The following ZNF821 variants were observed in gnomAD, a reference collection of about 807,000 sequenced individuals.
ZNF821 encodes zinc finger protein 821.
ZNF821 carries 16 observed loss-of-function variants against 44.3 expected under a neutral mutation model. That is an observed-to-expected ratio of 0.36 (90% CI 0.24 to 0.55). The LOEUF is 0.55. Ranked by LOEUF, ZNF821 falls within the 20% of genes least tolerant of loss-of-function variation. The pLI is 0.86. For synonymous variants in ZNF821, 204 were observed against 197.6 expected (o/e 1.03, Z -0.27); for missense variants, 436 against 547.6 (o/e 0.80, Z 2.03).
chr16:71,879,462 G>T (rs935072127), intron 3 of ZNF821, among the ~76,000 whole-genome samples: 1 of 151,502 alleles, frequency 6.6e-6, no homozygotes, highest in Non-Finnish European at 1.5e-5. Flanking sequence ...TCCTTCCTCC[G>T]AACTTCTCTA....
chr16:71,895,099 C>A (rs1210464255), exon 1 of ZNF821: 7 of 370,068 alleles, frequency 1.9e-5, no homozygotes, highest in Admixed American at 4.6e-5. Context: ...CCGCTCCACC[C>A]AGGGGGAAAG....
chr16:71,862,004 T>C (rs1192279912), intron 6 of ZNF821, 62 bp from the exon 7 acceptor site: 5 of 1,574,692 alleles, frequency 3.2e-6, no homozygotes, highest in Non-Finnish European at 4.3e-6. Flanking sequence ...TGCACCCACT[T>C]AGAAATGACT....
In ZNF821 at chr16:71,894,732, C is replaced by T. The variant is rs1373809124; in HGVS notation, n.448+157G>A. On this transcript the variant is annotated intron_variant and non_coding_transcript_variant, in intron 1 of 2. Transcript: ENST00000561700. ...TTTTTTTTTTGTAGCGATGCGGTTTCACTATGGTGTCCAGGCTGGTCTGCA... is the reference window on the plus strand; with the variant it reads ...TTTTTTTTTTGTAGCGATGCGGTTTTACTATGGTGTCCAGGCTGGTCTGCA... 3.7e-5 allele frequency: 19 copies of T among 509,512 alleles called. 1 individual carries two copies. The highest frequency in any genetic ancestry group is 4.0e-4 in the Middle Eastern group (1 of 2,486). The allele number at this position is 509,512 out of a possible 1,614,324, so 31.6% of individuals were successfully genotyped here.
At chr16:71,877,563 A>G (rs1298206778) in intron 3 of ZNF821, among the ~76,000 whole-genome samples, 2 of 152,096 alleles carry the variant, frequency 1.3e-5, no homozygotes, top group Non-Finnish European at 2.9e-5. Flanking sequence ...CCCAGCCTAT[A>G]TAGCATGTTT....
chr16:71,864,876 C>G, intron 5 of ZNF821, 27 bp downstream of exon 5: 3 of 1,613,472 alleles, frequency 1.9e-6, no homozygotes, highest in Non-Finnish European at 2.5e-6. Context: ...ATTGCTGGAC[C>G]TGGACCCAGG....
At chr16:71,873,607 G>T (rs908022535) in intron 3 of ZNF821, among the ~76,000 whole-genome samples, 1 of 152,130 alleles carries the variant, frequency 6.6e-6, no homozygotes, top group Admixed American at 6.5e-5. Flanking sequence ...TTCTAATGTG[G>T]ATCCATCAAA....
intron 1 of ZNF821, among the ~76,000 whole-genome samples, chr16:71,891,049 C>CT (rs1272181148): frequency 1.3e-5 from 2 of 152,146 alleles, no homozygotes; most frequent in Non-Finnish European, 2.9e-5. Flanking sequence ...GCTGGGATTA[C>CT]AGGCGTGAGC....
rs761411569 is a variant in ZNF821 at position 71,860,609 on chromosome 16, G to A, written c.648C>T (p.Ser216=). ...SLPTVHNEGP[S]SAEGKDIAFS... is the part of the protein sequence containing the mutation. ...AGGCAATATCCTTCCCCTCAGCACT[G>A]GAGGGACCCTCATTGTGGACTGTGG... Residue 216 remains serine, a synonymous_variant, in exon 8 of 8, where the codon TCC becomes TCT. Transcript: ENST00000425432. This position sits in a 1 kb window ranked among gnomAD's most constrained non-coding sequence, Gnocchi z 7.3. 1.2e-6 allele frequency: 2 copies of A among 1,614,094 alleles called. No individual in the cohort carries two copies. Among genetic ancestry groups the A allele is most frequent in the Non-Finnish European group, 1.7e-6 (2 of 1,180,012 alleles).
chr16:71,873,795 A>G (rs966173651), intron 3 of ZNF821, among the ~76,000 whole-genome samples: 1 of 151,996 alleles, frequency 6.6e-6, no homozygotes. Context: ...TTGGGATTAC[A>G]GGCATGAGCA....
chr16:71,891,072 C>A (rs1042585819), intron 1 of ZNF821, among the ~76,000 whole-genome samples: 1 of 152,196 alleles, frequency 6.6e-6, no homozygotes, highest in Non-Finnish European at 1.5e-5. Flanking sequence ...CCGCGCCCAG[C>A]CCCTTCCTGC....
intron 3 of ZNF821, among the ~76,000 whole-genome samples, chr16:71,872,206 G>A (rs2035278602): frequency 6.6e-6 from 1 of 152,190 alleles, no homozygotes. Flanking sequence ...GGAATGAGAT[G>A]AAAGTTATTA....
At chr16:71,875,426 C>T (rs1480564375) in intron 3 of ZNF821, among the ~76,000 whole-genome samples, 2 of 151,560 alleles carry the variant, frequency 1.3e-5, no homozygotes, top group African/African-American at 2.4e-5. Context: ...GGATTATAGG[C>T]GTGCGCCACC....
chr16:71,882,937 CCAAAA>C (rs1303047666), intron 2 of ZNF821, among the ~76,000 whole-genome samples: 1 of 152,078 alleles, frequency 6.6e-6, no homozygotes, highest in Non-Finnish European at 1.5e-5. Flanking sequence ...CCAAACCAAA[CCAAAA>C]ATGTAAATAG....
At chr16:71,874,350 C>T (rs529739792) in intron 3 of ZNF821, among the ~76,000 whole-genome samples, 1 of 152,162 alleles carries the variant, frequency 6.6e-6, no homozygotes, top group Non-Finnish European at 1.5e-5. Context: ...TAATGAAGCT[C>T]AGCCGTTACT....
chr16:71,876,890 C>A (rs2035881427), intron 3 of ZNF821, among the ~76,000 whole-genome samples: 1 of 152,220 alleles, frequency 6.6e-6, no homozygotes, highest in Non-Finnish European at 1.5e-5. Flanking sequence ...CAGGCATGAG[C>A]CACCGAGCTC....
chr16:71,874,581 G>C (rs768162289), intron 3 of ZNF821, among the ~76,000 whole-genome samples: 1 of 152,102 alleles, frequency 6.6e-6, no homozygotes, highest in African/African-American at 2.4e-5. Context: ...AGCCCCCCAA[G>C]TAGCTAGGAT....
intron 4 of ZNF821, among the ~76,000 whole-genome samples, chr16:71,865,728 CTAAG>C (rs543013070): frequency 2.6e-5 from 4 of 152,194 alleles, no homozygotes; most frequent in Non-Finnish European, 4.4e-5. Flanking sequence ...GCATTCTAAA[CTAAG>C]TAAGTCCATT....
chr16:71,887,968 T>C (rs2036868023), upstream of ZNF821, among the ~76,000 whole-genome samples: 1 of 151,798 alleles, frequency 6.6e-6, no homozygotes, highest in South Asian at 2.1e-4. Flanking sequence ...GCTCAGGTGA[T>C]CATCCCACCT....
In ZNF821 at chr16:71,865,013, C is replaced by T. The variant is rs748107086; in HGVS notation, c.202G>A (p.Asp68Asn). ...TCTGATGTGTGGGAAGAGACTTCATCTTGTGTCGTCTCCTCTTCATCACCC... is the reference window on the plus strand; with the variant it reads ...TCTGATGTGTGGGAAGAGACTTCATTTTGTGTCGTCTCCTCTTCATCACCC... ...SEGDEEETTQ[D>N]EVSSHTSEED... is the part of the protein sequence containing the mutation. Residue 68 changes from aspartate to asparagine, a missense_variant, in exon 5 of 8, where the codon GAT becomes AAT. Physicochemically the swap from Asp to Asn is conservative, Grantham distance 23. Around this residue, in one of 5 missense-constraint regions of ZNF821, gnomAD observed 238 missense variants for 281.4 expected, o/e 0.85. Transcript: ENST00000425432. 20 of 1,614,120 alleles carry T rather than the reference C, an allele frequency of 1.2e-5. No individual in the cohort carries two copies. Among genetic ancestry groups the T allele is most frequent in the Non-Finnish European group, 1.5e-5 (18 of 1,180,052 alleles).
Sources: gnomAD v4.1 joint callset for allele counts (sites outside exome capture counted in the v4.1 genomes callset) on GRCh38, gnomAD v4.1.1 for gene constraint, gnomAD v4.1.1 regional missense constraint, Gnocchi (gnomAD v3.1) non-coding constraint, MANE v1.5 for transcripts, NCBI Gene and HGNC (gene_info 2026-07-23, HGNC 2026-07-21) for gene names.